The following TMEM108 variants were observed in gnomAD, a reference collection of about 807,000 sequenced individuals.
TMEM108 encodes transmembrane protein 108.
In TMEM108, 12 loss-of-function variants were observed where a neutral mutation model predicts 35.1. The observed-to-expected ratio is 0.34, with a 90% CI of 0.22 to 0.55. TMEM108 has a LOEUF of 0.55. TMEM108 is among the 20% of genes least tolerant of loss of function. The pLI is 0.89. For synonymous variants in TMEM108, 287 were observed against 308.6 expected, an observed-to-expected ratio of 0.93 and a Z score of 0.73; for missense variants, 680 against 753.3, an observed-to-expected ratio of 0.90 and a Z score of 1.14.
At chr3:133,295,705 A>G (rs945303990) in intron 3 of TMEM108, among the ~76,000 whole-genome samples, 1 of 152,194 alleles carries the variant, frequency 6.6e-6, no homozygotes, top group African/African-American at 2.4e-5. Context: ...GGAGGGAGAT[A>G]GTGAGTGCAA....
At chr3:133,042,639 G>A (rs1943288845) in intron 1 of TMEM108, among the ~76,000 whole-genome samples, 1 of 152,188 alleles carries the variant, frequency 6.6e-6, no homozygotes, top group African/African-American at 2.4e-5. Flanking sequence ...CCAGAAAAGT[G>A]GTTGTGCATT....
intron 2 of TMEM108, chr3:133,124,949 C>T (rs1376008091): frequency 6.6e-6 from 1 of 152,134 alleles, no homozygotes; most frequent in Non-Finnish European, 1.5e-5. Flanking sequence ...CCACGAGAAG[C>T]TAAACATGTG....
chr3:133,264,968 G>A (rs1946676151), intron 3 of TMEM108, among the ~76,000 whole-genome samples: 1 of 152,160 alleles, frequency 6.6e-6, no homozygotes, highest in Admixed American at 6.5e-5. Flanking sequence ...GGTGTCCAAG[G>A]ACACACTCCA....
chr3:133,383,016 C>T (rs1018447563), intron 4 of TMEM108, among the ~76,000 whole-genome samples: 2 of 152,156 alleles, frequency 1.3e-5, no homozygotes, highest in Non-Finnish European at 1.5e-5. Context: ...TGAAAACACA[C>T]ATTTACACAT....
intron 3 of TMEM108, among the ~76,000 whole-genome samples, chr3:133,259,926 T>C (rs1049997720): frequency 6.6e-6 from 1 of 152,080 alleles, no homozygotes; most frequent in Non-Finnish European, 1.5e-5. Context: ...AGAGTCCAGA[T>C]AGGTGAAGGC....
intron 2 of TMEM108, among the ~76,000 whole-genome samples, chr3:133,136,606 A>G (rs1358808023): frequency 4.6e-5 from 7 of 152,200 alleles, no homozygotes; most frequent in Non-Finnish European, 7.3e-5. Flanking sequence ...GGTGTGAAGT[A>G]GTTTTGACAG....
At chr3:133,112,179 T>C (rs576567020) in intron 2 of TMEM108, among the ~76,000 whole-genome samples, 5 of 152,154 alleles carry the variant, frequency 3.3e-5, no homozygotes, top group African/African-American at 9.6e-5. Context: ...TGCAGGAGAA[T>C]GGTAATAAGA....
At chr3:133,288,918 T>C (rs943434199) in intron 3 of TMEM108, among the ~76,000 whole-genome samples, 1 of 152,042 alleles carries the variant, frequency 6.6e-6, no homozygotes, top group Non-Finnish European at 1.5e-5. Flanking sequence ...GTGTTTTTAG[T>C]AGAGATGGGG....
At chr3:133,308,295 G>A (rs1377777151) in intron 3 of TMEM108, among the ~76,000 whole-genome samples, 1 of 152,134 alleles carries the variant, frequency 6.6e-6, no homozygotes, top group Non-Finnish European at 1.5e-5. Flanking sequence ...AGACAATCAT[G>A]TCATCTGCAA....
intron 2 of TMEM108, among the ~76,000 whole-genome samples, chr3:133,143,858 A>G (rs1404722020): frequency 6.6e-6 from 1 of 152,070 alleles, no homozygotes; most frequent in Non-Finnish European, 1.5e-5. Flanking sequence ...CCTGACCTGC[A>G]TTGCTTCCTC....
chr3:133,229,250 T>G lies in TMEM108; in HGVS notation c.-46-16T>G, dbSNP rs562857345. ...TGTTCCTCAGATGTAACAATTTTCT[T>G]CTCCCAATTTCCTAGACAGAATCAT... On this transcript the variant is annotated splice_polypyrimidine_tract_variant and intron_variant, in intron 2 of 5. Transcript: ENST00000321871. The G allele has an allele frequency of 1.6e-5, 24 of 1,532,932 alleles. No homozygotes were observed. The East Asian group carries it at 5.4e-4, about 35-fold the overall frequency. The allele number at this position is 1,532,932 out of a possible 1,614,324, so 95.0% of individuals were successfully genotyped here. A position where few individuals can be genotyped will look rare whatever the true frequency, so the allele number is the denominator to read the frequency against.
At chr3:133,317,772 A>C (rs972630693) in intron 3 of TMEM108, among the ~76,000 whole-genome samples, 2 of 152,252 alleles carry the variant, frequency 1.3e-5, no homozygotes, top group African/African-American at 4.8e-5. Flanking sequence ...TTGGGGACAT[A>C]GCAGCAAACA....
At chr3:133,227,408 T>C (rs1465040003) in intron 2 of TMEM108, among the ~76,000 whole-genome samples, 1 of 148,542 alleles carries the variant, frequency 6.7e-6, no homozygotes, top group Non-Finnish European at 1.5e-5. Flanking sequence ...TTAGCCAGGA[T>C]GGTCTCGATC....
chr3:133,153,409 A>T (rs910990761), intron 2 of TMEM108, among the ~76,000 whole-genome samples: 9 of 152,156 alleles, frequency 5.9e-5, no homozygotes, highest in Non-Finnish European at 1.3e-4. Flanking sequence ...TCTGTGTTTT[A>T]TGCATTCTCA....
At chr3:133,045,654 G>A (rs1272177248) in intron 1 of TMEM108, among the ~76,000 whole-genome samples, 1 of 152,196 alleles carries the variant, frequency 6.6e-6, no homozygotes, top group Non-Finnish European at 1.5e-5. Context: ...GGCAACCTTG[G>A]AAATTATGTT....
At chr3:133,139,260 T>A (rs1944608385) in intron 2 of TMEM108, among the ~76,000 whole-genome samples, 1 of 152,234 alleles carries the variant, frequency 6.6e-6, no homozygotes, top group Non-Finnish European at 1.5e-5. Context: ...TGATTTATAA[T>A]CCTTTGGATA....
At chr3:133,284,066 T>C (rs1946951832) in intron 3 of TMEM108, among the ~76,000 whole-genome samples, 1 of 152,168 alleles carries the variant, frequency 6.6e-6, no homozygotes, top group South Asian at 2.1e-4. Flanking sequence ...CTATTAGAGA[T>C]TGCATGGTGC....
intron 2 of TMEM108, among the ~76,000 whole-genome samples, chr3:133,086,113 A>G (rs1021206824): frequency 6.6e-6 from 1 of 152,104 alleles, no homozygotes; most frequent in Non-Finnish European, 1.5e-5. Flanking sequence ...TTGTCCAAGG[A>G]GTGGTGAAAG....
chr3:133,396,046 A>G lies in TMEM108; in HGVS notation c.*60A>G. On this transcript the variant is annotated 3_prime_UTR_variant, in exon 6 of 6. Coordinates refer to ENST00000321871, the MANE Select transcript of TMEM108 (RefSeq NM_023943.4). ...TCGTCTCTAAATTATAAATATACAA[A>G]TACATATATTATAAATATAACCTTT... 1 of 1,219,430 alleles carries G rather than the reference A, an allele frequency of 8.2e-7. No individual in the cohort carries two copies. Among genetic ancestry groups the G allele is most frequent in the Non-Finnish European group, 1.0e-6 (1 of 953,892 alleles). The allele number at this position is 1,219,430 out of a possible 1,614,324, so 75.5% of individuals were successfully genotyped here. A position where few individuals can be genotyped will look rare whatever the true frequency, so the allele number is the denominator to read the frequency against.
Sources: allele counts gnomAD v4.1 joint callset (sites outside exome capture counted in the v4.1 genomes callset), GRCh38; gene constraint gnomAD v4.1.1; transcripts MANE v1.5; gene names NCBI Gene and HGNC (gene_info 2026-07-23, HGNC 2026-07-21).